The following MYT1L variants were observed in gnomAD, a reference collection of about 807,000 sequenced individuals.
The protein encoded by MYT1L is myelin transcription factor 1-like protein.
A neutral mutation model predicts 126.7 loss-of-function variants in MYT1L; 12 were observed. The ratio of observed to expected loss-of-function variants is 0.09; its 90% confidence interval spans 0.06 to 0.15. The LOEUF is 0.15. Ranked by LOEUF, MYT1L falls within the 10% of genes least tolerant of loss-of-function variation. The pLI is 1.00. For missense variants in MYT1L, 979 were observed against 1,585.2 expected, an observed-to-expected ratio of 0.62 and a Z score of 6.49; for synonymous variants, 541 against 604.2, an observed-to-expected ratio of 0.90 and a Z score of 1.53.
rs147580679 is a variant in MYT1L, at chr2:2,223,219, T to C, written c.-420-50231A>G. Among the ~76,000 whole-genome samples the C allele has an allele frequency of 5.1e-3, 780 of 152,350 alleles. 5 individuals are homozygous for C. Among genetic ancestry groups the C allele is most frequent in the African/African-American group, 0.017 (694 of 41,578 alleles). ...ATCAAATCAGACCTGGTTAACTCCTTTCTGAATCAAGACAAGACAAATATA... is the reference window on the plus strand; with the variant it reads ...ATCAAATCAGACCTGGTTAACTCCTCTCTGAATCAAGACAAGACAAATATA... On this transcript the variant is annotated intron_variant, in intron 2 of 24. Transcript: ENST00000647738.
chr2:2,254,445 A>AT (rs1173178705), intron 2 of MYT1L, among the ~76,000 whole-genome samples: 1 of 152,048 alleles, frequency 6.6e-6, no homozygotes, highest in African/African-American at 2.4e-5. Flanking sequence ...TGATGTGGGC[A>AT]TTTTCCAGAG....
intron 3 of MYT1L, among the ~76,000 whole-genome samples, chr2:2,160,318 C>T (rs370004469): frequency 2.6e-5 from 4 of 152,140 alleles, no homozygotes; most frequent in East Asian, 3.8e-4. Flanking sequence ...AGAAAAAATA[C>T]TATTATTTGA....
At chr2:2,129,806 T>A (rs2148004472) in intron 3 of MYT1L, among the ~76,000 whole-genome samples, 1 of 151,212 alleles carries the variant, frequency 6.6e-6, no homozygotes, top group South Asian at 2.1e-4. Context: ...CTCGGGAGGC[T>A]GAGGCAGGAG....
chr2:1,974,378 A>G (rs1316334497), intron 8 of MYT1L: 1 of 152,208 alleles, frequency 6.6e-6, no homozygotes, highest in Non-Finnish European at 1.5e-5. Context: ...GAAAGACCAC[A>G]TGAGCACGTT....
chr2:2,202,442 C>T (rs974444481), intron 2 of MYT1L, among the ~76,000 whole-genome samples: 23 of 152,112 alleles, frequency 1.5e-4, no homozygotes, highest in Admixed American at 4.6e-4. Context: ...AAGGGGACAT[C>T]ACCACCGATC....
chr2:1,995,771 T>C (rs1011861832), intron 5 of MYT1L, among the ~76,000 whole-genome samples: 1 of 152,146 alleles, frequency 6.6e-6, no homozygotes, highest in Non-Finnish European at 1.5e-5. Context: ...TGCTCCTTTA[T>C]CAAGGGGAGT....
intron 2 of MYT1L, among the ~76,000 whole-genome samples, chr2:2,276,038 ATC>A (rs2095353703): frequency 6.7e-6 from 1 of 149,472 alleles, no homozygotes; most frequent in Non-Finnish European, 1.5e-5. Context: ...TTTTTTATTC[ATC>A]TGTTGTGTTT....
intron 9 of MYT1L, among the ~76,000 whole-genome samples, chr2:1,939,056 T>G (rs888110319): frequency 4.6e-5 from 7 of 152,210 alleles, no homozygotes; most frequent in Admixed American, 1.3e-4. Context: ...ATAAATCGCC[T>G]GAGACTTTCT....
chr2:2,208,373 T>C (rs2093387413), intron 2 of MYT1L, among the ~76,000 whole-genome samples: 1 of 152,120 alleles, frequency 6.6e-6, no homozygotes, highest in Non-Finnish European at 1.5e-5. Context: ...CTACATGACA[T>C]AACGCAGGCA....
intron 18 of MYT1L, among the ~76,000 whole-genome samples, chr2:1,881,355 CGTGTGTGTGTGTGTGT>C (rs59171974): frequency 0.015 from 2,032 of 139,222 alleles, 20 homozygotes; most frequent in Middle Eastern, 0.027. Context: ...TTTGCAGGTT[CGTGTGTGTGTGTGTGT>C]GTGTGTGTGT....
chr2:2,246,113 G>A (rs1333088789), intron 2 of MYT1L, among the ~76,000 whole-genome samples: 1 of 152,184 alleles, frequency 6.6e-6, no homozygotes, highest in African/African-American at 2.4e-5. Context: ...CAGGCTCGCT[G>A]ACTGCCCTAG....
At chr2:2,154,037 G>A (rs967188982) in intron 3 of MYT1L, among the ~76,000 whole-genome samples, 1 of 152,150 alleles carries the variant, frequency 6.6e-6, no homozygotes, top group South Asian at 2.1e-4. Flanking sequence ...GCTGCCCGAG[G>A]GGCTGGCTCT....
intron 20 of MYT1L, 131 bp from the exon 21 acceptor site, chr2:1,839,501 A>C (rs1487368977): frequency 1.3e-6 from 1 of 775,428 alleles, no homozygotes; most frequent in Non-Finnish European, 2.1e-6. Context: ...GCAAAAGGAA[A>C]AGAAAAAAGA....
At chr2:2,106,810 CAGT>C (rs953103635) in intron 3 of MYT1L, among the ~76,000 whole-genome samples, 1 of 152,116 alleles carries the variant, frequency 6.6e-6, no homozygotes, top group Admixed American at 6.5e-5. Context: ...TTTTCAAATT[CAGT>C]ATGTCCAAGG....
intron 11 of MYT1L, among the ~76,000 whole-genome samples, chr2:1,913,435 C>T (rs1329186514): frequency 6.6e-6 from 1 of 152,130 alleles, no homozygotes; most frequent in African/African-American, 2.4e-5. Context: ...AGGATCCAAG[C>T]ACAGTTCCCT....
chr2:1,985,921 T>C (rs1035495286), intron 5 of MYT1L, among the ~76,000 whole-genome samples: 1 of 152,062 alleles, frequency 6.6e-6, no homozygotes, highest in Non-Finnish European at 1.5e-5. Flanking sequence ...CTCCCTCAGA[T>C]CTGTGTGTGT....
chr2:2,239,251 A>G (rs2094390382), intron 2 of MYT1L, among the ~76,000 whole-genome samples: 1 of 152,262 alleles, frequency 6.6e-6, no homozygotes, highest in Non-Finnish European at 1.5e-5. Context: ...ATGTATGCAT[A>G]TGTGCACATG....
At chr2:2,137,449 G>A (rs867336580) in intron 3 of MYT1L, among the ~76,000 whole-genome samples, 15 of 152,188 alleles carry the variant, frequency 9.9e-5, no homozygotes, top group African/African-American at 3.4e-4. Context: ...ATACTACAAG[G>A]CTACAGTCAC....
chr2:2,294,634 T>G (rs2095645782), intron 1 of MYT1L, among the ~76,000 whole-genome samples: 1 of 152,122 alleles, frequency 6.6e-6, no homozygotes, highest in Non-Finnish European at 1.5e-5. Context: ...AAAACTGAGT[T>G]AAATCTGCTT....
Sources: gnomAD v4.1 joint callset for allele counts (sites outside exome capture counted in the v4.1 genomes callset) on GRCh38, gnomAD v4.1.1 for gene constraint, MANE v1.5 for transcripts, NCBI Gene and HGNC (gene_info 2026-07-23, HGNC 2026-07-21) for gene names.